KCTD1: variants seen among roughly 807,000 people sequenced by gnomAD.
The protein encoded by KCTD1 is BTB/POZ domain-containing protein KCTD1.
KCTD1 carries 24 observed loss-of-function variants against 66.0 expected under a neutral mutation model. The ratio of observed to expected loss-of-function variants is 0.36; its 90% CI spans 0.26 to 0.51. The LOEUF is 0.51. Ranked by LOEUF, KCTD1 falls within the 20% of genes least tolerant of loss-of-function variation. The probability of loss-of-function intolerance (pLI) is 0.95; values close to 1 mark genes in which losing one functional copy is unlikely to be tolerated. For missense variants in KCTD1, 943 were observed against 1,205.2 expected, an observed-to-expected ratio of 0.78 and a Z score of 3.22; for synonymous variants, 511 against 517.2, an observed-to-expected ratio of 0.99 and a Z score of 0.16.
intron 1 of KCTD1, among the ~76,000 whole-genome samples, chr18:26,536,009 C>T (rs1345917764): frequency 6.6e-6 from 1 of 150,462 alleles, no homozygotes; most frequent in African/African-American, 2.5e-5. Flanking sequence ...TTCCTGTGTC[C>T]CCTCAGTCTG....
At chr18:26,548,954 G>C (rs1020249799), upstream of KCTD1, 8 of 986,178 alleles carry the variant, frequency 8.1e-6, no homozygotes, top group African/African-American at 7.0e-5. Flanking sequence ...AGGGCGGGAC[G>C]GTCTCGTTTC....
At chr18:26,530,254 A>G (rs1984372478) in intron 1 of KCTD1, among the ~76,000 whole-genome samples, 1 of 152,224 alleles carries the variant, frequency 6.6e-6, no homozygotes, top group Admixed American at 6.5e-5. Flanking sequence ...CTACACTTTG[A>G]ATAAATATAT....
upstream of KCTD1, among the ~76,000 whole-genome samples, chr18:26,629,719 C>T (rs957253630): frequency 7.4e-5 from 8 of 107,630 alleles, no homozygotes; most frequent in Non-Finnish European, 1.2e-4. Context: ...GATTGACCCC[C>T]CCGCCTTTTT....
At chr18:26,644,631 A>G (rs1051129401), upstream of KCTD1, among the ~76,000 whole-genome samples, 8 of 151,914 alleles carry the variant, frequency 5.3e-5, no homozygotes, top group African/African-American at 1.9e-4. Flanking sequence ...GGTGGTGGAC[A>G]TTTGTAATCC....
At chr18:26,591,185 C>T (rs1986593809) in intron 1 of KCTD1, among the ~76,000 whole-genome samples, 1 of 152,046 alleles carries the variant, frequency 6.6e-6, no homozygotes, top group African/African-American at 2.4e-5. Flanking sequence ...ACCACTACAC[C>T]AGCTAATTAT....
At chr18:26,607,456 C>T (rs1987042979) in intron 1 of KCTD1, among the ~76,000 whole-genome samples, 1 of 152,174 alleles carries the variant, frequency 6.6e-6, no homozygotes, top group East Asian at 1.9e-4. Flanking sequence ...ATGATGTGCA[C>T]CAAAAATATC....
At chr18:26,541,558 G>A (rs1984975711) in intron 1 of KCTD1, among the ~76,000 whole-genome samples, 1 of 152,176 alleles carries the variant, frequency 6.6e-6, no homozygotes. Context: ...AGAAAGAAAA[G>A]GCTCTGTCAG....
At chr18:26,475,755 G>A (rs1414585483) in intron 3 of KCTD1, among the ~76,000 whole-genome samples, 2 of 152,162 alleles carry the variant, frequency 1.3e-5, no homozygotes, top group East Asian at 3.8e-4. Flanking sequence ...GGGAGGCTGA[G>A]GCAGGACAAT....
At chr18:26,510,908 G>C (rs1404075612) in intron 1 of KCTD1, among the ~76,000 whole-genome samples, 1 of 152,202 alleles carries the variant, frequency 6.6e-6, no homozygotes, top group African/African-American at 2.4e-5. Context: ...TTTTGCAAAT[G>C]TGTGTAGGTA....
At position 26,542,405 on chromosome 18, in the gene KCTD1, C is replaced by T. The variant is rs563618577; in HGVS notation, c.1809+4323G>A. On this transcript the variant is annotated intron_variant, in intron 1 of 4. Coordinates refer to ENST00000580059, the MANE Select transcript of KCTD1 (RefSeq NM_001142730.3). ...TCGATTCTACAAATAAAAGTTCTAACATATGACAGACCTACAGATGACTAG... is the reference window on the plus strand; with the variant it reads ...TCGATTCTACAAATAAAAGTTCTAATATATGACAGACCTACAGATGACTAG... Among the ~76,000 whole-genome samples, 60 of 152,320 alleles carry T rather than the reference C, an allele frequency of 3.9e-4. 1 individual carries two copies. Among genetic ancestry groups the T allele is most frequent in the Non-Finnish European group, 7.2e-4 (49 of 68,028 alleles).
At chr18:26,479,838 G>A (rs968951070) in intron 2 of KCTD1, among the ~76,000 whole-genome samples, 2 of 152,186 alleles carry the variant, frequency 1.3e-5, no homozygotes, top group Non-Finnish European at 2.9e-5. Flanking sequence ...GTTTGGCTAA[G>A]CAAATAATGG....
intron 1 of KCTD1, among the ~76,000 whole-genome samples, chr18:26,573,545 A>C (rs1408599944): frequency 6.6e-6 from 1 of 152,240 alleles, no homozygotes; most frequent in Non-Finnish European, 1.5e-5. Flanking sequence ...ATGCCGGAAG[A>C]CGTGATAAGG....
At chr18:26,472,122 G>A (rs1981099445) in intron 3 of KCTD1, among the ~76,000 whole-genome samples, 3 of 152,134 alleles carry the variant, frequency 2.0e-5, no homozygotes, top group Non-Finnish European at 4.4e-5. Context: ...GTTCTTGGTG[G>A]TGGTGGTGGC....
At chr18:26,548,915 C>T (rs1459354820), upstream of KCTD1, 7 of 989,546 alleles carry the variant, frequency 7.1e-6, no homozygotes, top group East Asian at 5.6e-4. Context: ...TTGCGCGGGC[C>T]CGGGCGGGAG....
upstream of KCTD1, among the ~76,000 whole-genome samples, chr18:26,632,064 A>AACAC (rs1598976289): frequency 2.2e-5 from 3 of 138,652 alleles, no homozygotes; most frequent in East Asian, 6.1e-4. Context: ...CAAACAAACA[A>AACAC]ACAACAAAAA....
chr18:26,604,360 A>C (rs1055125258), intron 1 of KCTD1, among the ~76,000 whole-genome samples: 1 of 152,254 alleles, frequency 6.6e-6, no homozygotes, highest in Non-Finnish European at 1.5e-5. Context: ...GCAACTTCTC[A>C]AAGAGCTAAA....
At chr18:26,626,813 G>T (rs537793591) in intron 1 of KCTD1, among the ~76,000 whole-genome samples, 1 of 152,254 alleles carries the variant, frequency 6.6e-6, no homozygotes, top group South Asian at 2.1e-4. Context: ...CTATCCATGG[G>T]CAGATGAGGG....
intron 1 of KCTD1, among the ~76,000 whole-genome samples, chr18:26,621,919 T>C (rs1327139323): frequency 6.6e-6 from 1 of 152,160 alleles, no homozygotes; most frequent in Non-Finnish European, 1.5e-5. Flanking sequence ...AGTTCATGGA[T>C]TTCTGACAAT....
At chr18:26,505,913 T>A (rs578194443) in intron 1 of KCTD1, among the ~76,000 whole-genome samples, 77 of 152,210 alleles carry the variant, frequency 5.1e-4, no homozygotes, top group Non-Finnish European at 7.6e-4. Context: ...CTCACCTCTG[T>A]CACTCAGGCT....
Sources: gnomAD v4.1 joint callset for allele counts (sites outside exome capture counted in the v4.1 genomes callset) on GRCh38, gnomAD v4.1.1 for gene constraint, MANE v1.5 for transcripts, NCBI Gene and HGNC (gene_info 2026-07-23, HGNC 2026-07-21) for gene names.